Variants in SEMA3A observed in about 807,000 individuals in gnomAD.
SEMA3A encodes the protein semaphorin 3A, also known as semaphorin-3A.
A neutral mutation model predicts 97.9 loss-of-function variants in SEMA3A; 29 were observed. The ratio of observed to expected loss-of-function variants is 0.30; its 90% CI spans 0.22 to 0.40. The LOEUF (loss-of-function observed/expected upper bound fraction) is 0.40, where lower values mean the gene tolerates loss of function less well. SEMA3A is among the 10% of genes least tolerant of loss of function. The pLI, the probability that SEMA3A is intolerant of heterozygous loss-of-function variation, is 1.00. For missense variants in SEMA3A, 763 were observed against 951.3 expected, an observed-to-expected ratio of 0.80 and a Z score of 2.60; for synonymous variants, 321 against 323.7, an observed-to-expected ratio of 0.99 and a Z score of 0.09.
rs1037300982 is a variant in SEMA3A, at chr7:84,316,984, T to C, written c.-168-9692A>G. Among the ~76,000 whole-genome samples the C allele has an allele frequency of 9.9e-5, 15 of 152,090 alleles. 1 individual carries two copies. In the South Asian group the frequency reaches 2.3e-3, roughly 23 times the overall value. ...GATAACAGCAAAAACATTTTTTTTT[T>C]CGCACATTAGGAAATTATACTATTA... On this transcript the variant is annotated intron_variant, in intron 2 of 3. Transcript: ENST00000424555.
At chr7:84,059,652 G>A (rs1793136092) in intron 5 of SEMA3A, among the ~76,000 whole-genome samples, 1 of 151,054 alleles carries the variant, frequency 6.6e-6, no homozygotes, top group South Asian at 2.1e-4. Flanking sequence ...TATAGAAAAG[G>A]AAAACAAAAA....
chr7:84,380,618 A>C (rs1803234792), intron 1 of SEMA3A, among the ~76,000 whole-genome samples: 1 of 152,216 alleles, frequency 6.6e-6, no homozygotes, highest in Admixed American at 6.5e-5. Context: ...AAAAATTAAC[A>C]GAAAGTTAAA....
chr7:84,122,972 G>A (rs1002830613), intron 3 of SEMA3A, among the ~76,000 whole-genome samples: 1 of 152,186 alleles, frequency 6.6e-6, no homozygotes. Context: ...AGAATGTTAT[G>A]AGAGTCTGCT....
intron 1 of SEMA3A, among the ~76,000 whole-genome samples, chr7:84,455,933 T>G (rs1215803842): frequency 6.6e-6 from 1 of 151,942 alleles, no homozygotes; most frequent in East Asian, 1.9e-4. Flanking sequence ...TGAAATAGCT[T>G]GTGAGACAGC....
intron 1 of SEMA3A, among the ~76,000 whole-genome samples, chr7:84,173,041 T>C (rs1797441184): frequency 1.3e-5 from 2 of 152,148 alleles, no homozygotes. Flanking sequence ...AGGGTAAGTT[T>C]TTGTTTCTGC....
chr7:84,252,469 T>C (rs1389469789), intron 3 of SEMA3A, among the ~76,000 whole-genome samples: 5 of 152,224 alleles, frequency 3.3e-5, no homozygotes, highest in African/African-American at 1.2e-4. Flanking sequence ...CAAAATGGGC[T>C]ACATGTAACA....
At chr7:84,207,748 T>C (rs1286931780) in intron 3 of SEMA3A, among the ~76,000 whole-genome samples, 2 of 152,194 alleles carry the variant, frequency 1.3e-5, no homozygotes, top group African/African-American at 2.4e-5. Context: ...GACATAGGTG[T>C]AGGAAAAATG....
At chr7:84,316,742 T>C (rs2115891056) in intron 2 of SEMA3A, among the ~76,000 whole-genome samples, 1 of 152,240 alleles carries the variant, frequency 6.6e-6, no homozygotes, top group East Asian at 1.9e-4. Flanking sequence ...AAAGCTATAA[T>C]CCAGAAGCAG....
At chr7:84,141,287 A>C (rs1422830043) in intron 1 of SEMA3A, among the ~76,000 whole-genome samples, 2 of 152,150 alleles carry the variant, frequency 1.3e-5, no homozygotes, top group Non-Finnish European at 2.9e-5. Context: ...TACCTTGACT[A>C]GTCTCTCCAG....
intron 12 of SEMA3A, among the ~76,000 whole-genome samples, chr7:83,996,342 G>T (rs962870227): frequency 3.9e-5 from 5 of 128,340 alleles, no homozygotes; most frequent in Non-Finnish European, 7.8e-5. Flanking sequence ...TCCCTCTGTC[G>T]CTCAGGCTGG....
At chr7:84,133,903 A>AG (rs1262785919) in intron 2 of SEMA3A, among the ~76,000 whole-genome samples, 2 of 150,564 alleles carry the variant, frequency 1.3e-5, no homozygotes, top group Non-Finnish European at 3.0e-5. Flanking sequence ...AAAAAAAAAA[A>AG]AAAAAAAAAT....
intron 1 of SEMA3A, among the ~76,000 whole-genome samples, chr7:84,457,992 A>C (rs1805727763): frequency 1.3e-5 from 2 of 152,036 alleles, no homozygotes. Flanking sequence ...GTCTAAGTAT[A>C]CCTGACTTTT....
At chr7:83,992,684 T>C (rs867623135) in intron 12 of SEMA3A, among the ~76,000 whole-genome samples, 53 of 151,532 alleles carry the variant, frequency 3.5e-4, no homozygotes, top group African/African-American at 1.0e-3. Context: ...GTCTGAGAGA[T>C]AGTTTGTTAT....
intron 1 of SEMA3A, among the ~76,000 whole-genome samples, chr7:84,491,263 T>C (rs191112537): frequency 1.2e-3 from 188 of 152,274 alleles, no homozygotes; most frequent in African/African-American, 4.1e-3. Flanking sequence ...TAATTTTGCC[T>C]AACTACTCTA....
intron 1 of SEMA3A, among the ~76,000 whole-genome samples, chr7:84,142,421 T>G (rs926491598): frequency 3.3e-5 from 5 of 152,158 alleles, no homozygotes; most frequent in African/African-American, 1.2e-4. Context: ...TTTTTTCTCA[T>G]GAGGAAATTG....
chr7:84,457,468 GA>G (rs1286794619), intron 1 of SEMA3A, among the ~76,000 whole-genome samples: 1 of 151,724 alleles, frequency 6.6e-6, no homozygotes, highest in Non-Finnish European at 1.5e-5. Context: ...TAGCAACTGT[GA>G]AAATTCAAAA....
chr7:84,224,960 C>CG (rs1477390357), intron 3 of SEMA3A, among the ~76,000 whole-genome samples: 2 of 151,884 alleles, frequency 1.3e-5, no homozygotes, highest in African/African-American at 4.8e-5. Context: ...TATAGCCCCC[C>CG]CTAGTATATG....
At chr7:84,382,578 G>T (rs2681433) in intron 1 of SEMA3A, among the ~76,000 whole-genome samples, 18,222 of 150,726 alleles carry the variant, frequency 0.12, 2,045 homozygotes, top group East Asian at 0.35. Flanking sequence ...GTATGAATTG[G>T]CCTGGCACAG....
chr7:84,356,211 G>C (rs1802556633), intron 2 of SEMA3A, among the ~76,000 whole-genome samples: 1 of 151,634 alleles, frequency 6.6e-6, no homozygotes, highest in Admixed American at 6.6e-5. Flanking sequence ...TTAATGGGTA[G>C]GGATTTGGAT....
Sources: gnomAD v4.1 joint callset for allele counts (sites outside exome capture counted in the v4.1 genomes callset) on GRCh38, gnomAD v4.1.1 for gene constraint, MANE v1.5 for transcripts, NCBI Gene and HGNC (gene_info 2026-07-23, HGNC 2026-07-21) for gene names.